Variants in C9orf85 observed in about 807,000 individuals in gnomAD.
The protein encoded by C9orf85 is uncharacterized protein C9orf85.
Under a neutral mutation model 14.9 loss-of-function variants are expected in C9orf85, and 16 were observed. The observed-to-expected ratio is 1.08, with a 90% CI of 0.73 to 1.63. The LOEUF is 1.63. C9orf85 is among the 40% of genes most tolerant of loss of function. The probability of loss-of-function intolerance (pLI) is 0.00; values close to 1 mark genes in which losing one functional copy is unlikely to be tolerated. For synonymous variants in C9orf85, 45 were observed against 56.8 expected (o/e 0.79, Z 0.93); for missense variants, 172 against 186.1 (o/e 0.92, Z 0.44).
In C9orf85 at chr9:71,967,713, C is replaced by CTTT. The variant is rs55750667; in HGVS notation, c.210-3772_210-3770dup. Among the ~76,000 whole-genome samples, 370 of 94,088 alleles carry CTTT rather than the reference C, an allele frequency of 3.9e-3. 13 individuals are homozygous for CTTT. Among genetic ancestry groups the CTTT allele is most frequent in the African/African-American group, 0.011 (235 of 20,926 alleles). 61.7% of individuals were successfully genotyped at this position (94,088 alleles called of 152,430 possible). A position where few individuals can be genotyped will look rare whatever the true frequency, so the allele number is the denominator to read the frequency against. ...CTTCTTTTCAATCTCTATGACCTTT[C>CTTT]TTTTTTTTTTTTTTTTTTTTTTGGC... On this transcript the variant is annotated intron_variant, in intron 2 of 3. Transcript: ENST00000334731.
intron 1 of C9orf85, among the ~76,000 whole-genome samples, chr9:71,919,479 T>A (rs751153297): frequency 1.3e-5 from 2 of 152,264 alleles, no homozygotes; most frequent in East Asian, 3.8e-4. Context: ...CACCCTCTTT[T>A]ATCTTTCTCC....
downstream of C9orf85, among the ~76,000 whole-genome samples, chr9:71,974,873 G>T (rs1318584377): frequency 1.3e-5 from 2 of 152,018 alleles, no homozygotes; most frequent in Non-Finnish European, 2.9e-5. Flanking sequence ...CTTAATAATT[G>T]TATTTCTAAT....
At chr9:71,946,804 CAA>C in intron 1 of C9orf85, among the ~76,000 whole-genome samples, 200 bp from the exon 2 acceptor site, 1 of 132,636 alleles carries the variant, frequency 7.5e-6, no homozygotes, top group East Asian at 2.2e-4. Context: ...AAAAAAAAAA[CAA>C]AAAAAAAAGA....
At chr9:71,981,030 C>A (rs1227657237) in intron 3 of C9orf85, among the ~76,000 whole-genome samples, 1 of 152,194 alleles carries the variant, frequency 6.6e-6, no homozygotes, top group Non-Finnish European at 1.5e-5. Flanking sequence ...TGATGCTATA[C>A]TACTGTCCGT....
chr9:71,926,783 T>A (rs1264600031), intron 1 of C9orf85, among the ~76,000 whole-genome samples: 3 of 152,058 alleles, frequency 2.0e-5, no homozygotes, highest in Admixed American at 6.6e-5. Context: ...TGGGCTTGTC[T>A]AAAACCTAGT....
rs1426890558 is a variant in C9orf85, at chr9:71,935,388, G to A, written c.103-11618G>A. ...TATCCATCTAGGGAAGAGTAGATAA[G>A]CAAAATATGTTATATACATACAGTG... On this transcript the variant is annotated intron_variant, in intron 1 of 3. Coordinates refer to ENST00000334731, the MANE Select transcript of C9orf85 (RefSeq NM_182505.5). Among the ~76,000 whole-genome samples, 7 of 152,058 alleles carry A rather than the reference G, an allele frequency of 4.6e-5. No individual in the cohort carries two copies. In the East Asian group the frequency reaches 1.3e-3, roughly 29 times the overall value.
chr9:71,912,196 C>G (rs1827520903), intron 1 of C9orf85, among the ~76,000 whole-genome samples: 1 of 151,986 alleles, frequency 6.6e-6, no homozygotes, highest in South Asian at 2.1e-4. Flanking sequence ...AATTTTACAC[C>G]AAGTTTATGC....
At chr9:71,913,415 A>G (rs1387663737) in intron 1 of C9orf85, among the ~76,000 whole-genome samples, 1 of 152,232 alleles carries the variant, frequency 6.6e-6, no homozygotes, top group Non-Finnish European at 1.5e-5. Context: ...AAGCAGAAAG[A>G]TAAGTAAATA....
At chr9:71,912,050 A>G (rs1006005264) in intron 1 of C9orf85, 4 of 513,602 alleles carry the variant, frequency 7.8e-6, no homozygotes, top group South Asian at 1.8e-5. Context: ...TGGTCAGCAC[A>G]CTTAACTAAT....
chr9:71,949,675 G>A, intron 2 of C9orf85, among the ~76,000 whole-genome samples: 1 of 152,158 alleles, frequency 6.6e-6, no homozygotes, highest in African/African-American at 2.4e-5. Context: ...AAAGAAATGG[G>A]TAAACCTGTG....
intron 1 of C9orf85, among the ~76,000 whole-genome samples, chr9:71,912,439 G>C (rs1174475530): frequency 6.6e-6 from 1 of 152,148 alleles, no homozygotes; most frequent in African/African-American, 2.4e-5. Context: ...GAGGACTTGG[G>C]TTGTATATAA....
At chr9:71,943,760 T>A (rs1224757933) in intron 1 of C9orf85, among the ~76,000 whole-genome samples, 1 of 151,070 alleles carries the variant, frequency 6.6e-6, no homozygotes, top group African/African-American at 2.4e-5. Context: ...AGGCTGTTCT[T>A]GAACTCCCAA....
chr9:71,984,938 G>C (rs932357764), downstream of C9orf85: 1 of 152,282 alleles, frequency 6.6e-6, no homozygotes, highest in Non-Finnish European at 1.5e-5. Context: ...GGAGGTGGCT[G>C]GAGGAGGGGA....
At chr9:71,932,263 G>A (rs1278550148) in intron 1 of C9orf85, among the ~76,000 whole-genome samples, 2 of 152,104 alleles carry the variant, frequency 1.3e-5, no homozygotes, top group African/African-American at 2.4e-5. Context: ...ATGGTCGGGG[G>A]AGGAAGAGAT....
intron 1 of C9orf85, chr9:71,941,660 T>G (rs1304624376): frequency 2.6e-5 from 4 of 152,174 alleles, no homozygotes; most frequent in Non-Finnish European, 5.9e-5. Context: ...AAAAGAGAGA[T>G]AACAGATATA....
chr9:71,940,101 A>G (rs1299128432), intron 1 of C9orf85, among the ~76,000 whole-genome samples: 2 of 152,186 alleles, frequency 1.3e-5, no homozygotes, highest in East Asian at 3.8e-4. Flanking sequence ...AACTATTAAG[A>G]TAATGGAAAT....
rs910016642 is a variant in C9orf85, at chr9:71,971,740, A to C, written c.323+122A>C. ...TGTAATCCCAGTACTTTGGGAGGCC[A>C]AGGCAGGTGGATCACGAGGTCAGGA... On this transcript the variant is annotated intron_variant, in intron 3 of 3. Coordinates refer to ENST00000334731, the MANE Select transcript of C9orf85 (RefSeq NM_182505.5). The C allele has an allele frequency of 5.1e-6, 3 of 591,462 alleles. No individual in the cohort carries two copies. In the South Asian group the frequency reaches 6.5e-5, roughly 13 times the overall value. The allele number at this position is 591,462 out of a possible 1,614,324, so 36.6% of individuals were successfully genotyped here. A position where few individuals can be genotyped will look rare whatever the true frequency, so the allele number is the denominator to read the frequency against.
chr9:71,983,670 A>G (rs1823149906), downstream of C9orf85: 1 of 152,218 alleles, frequency 6.6e-6, no homozygotes, highest in Non-Finnish European at 1.5e-5. Flanking sequence ...GATTTCTTAT[A>G]GATTTTTAGA....
At chr9:71,949,259 G>GCAC (rs1822181597) in intron 2 of C9orf85, among the ~76,000 whole-genome samples, 1 of 152,130 alleles carries the variant, frequency 6.6e-6, no homozygotes, top group Non-Finnish European at 1.5e-5. Context: ...GTGTAACAAA[G>GCAC]GAAATGATTT....
Sources: gnomAD v4.1 joint callset for allele counts (sites outside exome capture counted in the v4.1 genomes callset) on GRCh38, gnomAD v4.1.1 for gene constraint, MANE v1.5 for transcripts, NCBI Gene and HGNC (gene_info 2026-07-23, HGNC 2026-07-21) for gene names.